Variants in SFSWAP observed in about 807,000 individuals in gnomAD.
SFSWAP encodes splicing factor, suppressor of white-apricot homolog.
In SFSWAP, 17 loss-of-function variants were observed where a neutral mutation model predicts 100.7. The ratio of observed to expected loss-of-function variants is 0.17; its 90% CI spans 0.12 to 0.25. The LOEUF is 0.25. Among genes scored for constraint, SFSWAP ranks in the 10% least tolerant of loss-of-function variants. The pLI is 1.00. For synonymous variants in SFSWAP, 504 were observed against 510.1 expected (o/e 0.99, Z 0.16); for missense variants, 1,005 against 1,262.6 (o/e 0.80, Z 3.09).
At chr12:131,732,984 A>G (rs1470152327) in intron 7 of SFSWAP, among the ~76,000 whole-genome samples, 3 of 152,212 alleles carry the variant, frequency 2.0e-5, no homozygotes, top group Non-Finnish European at 2.9e-5. Context: ...CAGCTTCCAC[A>G]GCAGCCAGTT....
At chr12:131,776,077 G>A (rs994019361) in intron 13 of SFSWAP, among the ~76,000 whole-genome samples, 4 of 151,998 alleles carry the variant, frequency 2.6e-5, no homozygotes, top group South Asian at 4.1e-4. Flanking sequence ...ACTCCACCCC[G>A]GCAACAGAGC....
In SFSWAP at chr12:131,730,724, G is replaced by A. The variant is rs941632218; in HGVS notation, c.1081+2296G>A. ...GTGACAGCCTCTGCAGGAACCCTAA[G>A]CTTACTCTGTTCAGGCCCCTGACTA... On this transcript the variant is annotated intron_variant, in intron 7 of 17. Coordinates refer to ENST00000261674, the MANE Select transcript of SFSWAP (RefSeq NM_004592.4). The surrounding 1 kb of genome is among the most constrained non-coding windows in gnomAD (Gnocchi z 4.0). 6.6e-6 allele frequency among the ~76,000 whole-genome samples: 1 copy of A among 152,098 alleles called. No individual in the cohort carries two copies. Among genetic ancestry groups the A allele is most frequent in the African/African-American group, 2.4e-5 (1 of 41,392 alleles).
chr12:131,738,885 CTTTTTTTTTTTT>C lies in SFSWAP; in HGVS notation c.1081+10470_1081+10481del, dbSNP rs71072785. Among the ~76,000 whole-genome samples the C allele has an allele frequency of 3.7e-3, 180 of 48,760 alleles. 5 individuals are homozygous for C. The highest frequency in any genetic ancestry group is 6.4e-3 in the Non-Finnish European group (156 of 24,298). The allele number at this position is 48,760 out of a possible 152,430, so 32.0% of individuals were successfully genotyped here. A position where few individuals can be genotyped will look rare whatever the true frequency, so the allele number is the denominator to read the frequency against. ...TTCCAGTGCTGTAATGAACATTATTCTTTTTTTTTTTTTTTTTTTTTTTTGAGACAGGGTCTC... is the reference window on the plus strand; with the variant it reads ...TTCCAGTGCTGTAATGAACATTATTCTTTTTTTTTTTTGAGACAGGGTCTC... On this transcript the variant is annotated intron_variant, in intron 7 of 17. Transcript: ENST00000261674.
rs1260648860 is a variant in SFSWAP at position 131,792,498 on chromosome 12, GT to G, written c.2535-4679del. On this transcript the variant is annotated intron_variant, in intron 15 of 17. Coordinates refer to ENST00000261674, the MANE Select transcript of SFSWAP (RefSeq NM_004592.4). ...TGCACCCGTGTGTGTTCACAGACCAGTACTGTGTGTGCATACGTGTGTGTTC... is the reference window on the plus strand; with the variant it reads ...TGCACCCGTGTGTGTTCACAGACCAGACTGTGTGTGCATACGTGTGTGTTC... Among the ~76,000 whole-genome samples the G allele has an allele frequency of 2.1e-5, 3 of 142,972 alleles. 1 individual carries two copies. The highest frequency in any genetic ancestry group is 1.4e-4 in the Admixed American group (2 of 14,438). The allele number at this position is 142,972 out of a possible 152,430, so 93.8% of individuals were successfully genotyped here. A position where few individuals can be genotyped will look rare whatever the true frequency, so the allele number is the denominator to read the frequency against.
chr12:131,727,941 T>C (rs778870907), intron 6 of SFSWAP, among the ~76,000 whole-genome samples: 2 of 152,228 alleles, frequency 1.3e-5, no homozygotes, highest in Non-Finnish European at 2.9e-5. Context: ...TTGATTGGAC[T>C]GGAAAAGCTA....
chr12:131,787,898 C>T (rs1885008379), intron 15 of SFSWAP, among the ~76,000 whole-genome samples: 1 of 152,210 alleles, frequency 6.6e-6, no homozygotes, highest in Admixed American at 6.5e-5. Flanking sequence ...AGCAAAGGAA[C>T]TATAAAGCGG....
intron 13 of SFSWAP, among the ~76,000 whole-genome samples, chr12:131,769,926 T>C (rs2136243818): frequency 6.6e-6 from 1 of 152,320 alleles, no homozygotes; most frequent in South Asian, 2.1e-4. Context: ...CTGTAGAACA[T>C]AGAAATGAGC....
rs770298063 is a variant in SFSWAP at position 131,754,385 on chromosome 12, C to T, written c.1340C>T (p.Ala447Val). The T allele has an allele frequency of 7.0e-6, 11 of 1,580,570 alleles. No individual in the cohort carries two copies. The highest frequency in any genetic ancestry group is 8.6e-6 in the Non-Finnish European group (10 of 1,166,316). Residue 447 changes from alanine (A) to valine (V), a missense_variant, in exon 9 of 18, where the codon GCC (alanine) becomes GTC (valine). Ala to Val is a moderately conservative substitution (Grantham distance 64). Transcript: ENST00000261674. Reference sequence around the variant, plus strand: ...TCCTGCAGTGCACTTGCCCCCGTGGCCGCCATCATCCCCCCGCCCCCCGAC... The same window carrying T: ...TCCTGCAGTGCACTTGCCCCCGTGGTCGCCATCATCCCCCCGCCCCCCGAC... The part of the protein sequence containing the change: ...TTTTSALAPV[A>V]AIIPPPPDVQ...
chr12:131,743,228 C>G (rs1379889933), intron 7 of SFSWAP, among the ~76,000 whole-genome samples: 2 of 152,190 alleles, frequency 1.3e-5, no homozygotes, highest in African/African-American at 4.8e-5. Flanking sequence ...CCCAGCAGTC[C>G]CCCAAAGTCT....
rs1454064215 is a variant in SFSWAP, at chr12:131,799,648, C to T, written c.*160C>T. The stretch of plus-strand genomic sequence containing the variant: ...TTTGAGTTTTAAGATTTCTGACCAG[C>T]AGTCTCTTACCTGTATATTTGTAAA... On this transcript the variant is annotated 3_prime_UTR_variant, in exon 18 of 18. Transcript: ENST00000261674. 1 of 612,634 alleles carries T rather than the reference C, an allele frequency of 1.6e-6. No individual in the cohort carries two copies. The highest frequency in any genetic ancestry group is 1.9e-5 in the African/African-American group (1 of 53,872). 37.9% of individuals were successfully genotyped at this position (612,634 alleles called of 1,614,324 possible).
intron 7 of SFSWAP, among the ~76,000 whole-genome samples, chr12:131,747,103 C>CAAAAAAAAAAAAA (rs398021689): frequency 3.1e-5 from 3 of 96,888 alleles, no homozygotes; most frequent in African/African-American, 1.2e-4. Context: ...GACTCTGTCT[C>CAAAAAAAAAAAAA]AAAAAAAAAA....
chr12:131,736,075 AG>A (rs1016223974), intron 7 of SFSWAP, among the ~76,000 whole-genome samples: 1 of 152,240 alleles, frequency 6.6e-6, no homozygotes, highest in African/African-American at 2.4e-5. Context: ...CAGTCCAGCC[AG>A]GGAGCTTCTG....
chr12:131,783,222 G>A (rs550699613), intron 14 of SFSWAP, among the ~76,000 whole-genome samples: 1 of 150,014 alleles, frequency 6.7e-6, no homozygotes, highest in Non-Finnish European at 1.5e-5. Context: ...TACTTTTATT[G>A]TCTGTTTTCA....
intron 15 of SFSWAP, chr12:131,796,356 C>G (rs962641668): frequency 6.6e-6 from 1 of 152,388 alleles, no homozygotes; most frequent in Non-Finnish European, 1.5e-5. Context: ...GCCGAAGGGT[C>G]GGCCTCTCCA....
In SFSWAP at chr12:131,779,223, C is replaced by T. The variant is rs553760516; in HGVS notation, c.2408+893C>T. ...CGCGGATGAGTGTGTGTGAAGAGGG[C>T]GGCGCGGGTGAGCGTGTGTGAAGAG... On this transcript the variant is annotated intron_variant, in intron 14 of 17. Coordinates refer to ENST00000261674, the MANE Select transcript of SFSWAP (RefSeq NM_004592.4). 1.1e-4 allele frequency among the ~76,000 whole-genome samples: 17 copies of T among 149,800 alleles called. No individual in the cohort carries two copies. In the South Asian group the frequency reaches 2.8e-3, roughly 24 times the overall value.
intron 15 of SFSWAP, among the ~76,000 whole-genome samples, chr12:131,793,238 T>G (rs1885403654): frequency 6.6e-6 from 1 of 151,966 alleles, no homozygotes; most frequent in Admixed American, 6.6e-5. Context: ...CACACCACCA[T>G]GCCCAGCTAA....
At chr12:131,765,200 A>G (rs1460384619) in intron 12 of SFSWAP, among the ~76,000 whole-genome samples, 1 of 152,260 alleles carries the variant, frequency 6.6e-6, no homozygotes, top group African/African-American at 2.4e-5. Flanking sequence ...TGGGGACAGC[A>G]TGTAGTCTTC....
At chr12:131,712,728 T>C (rs1877496771) in intron 1 of SFSWAP, 1 of 152,252 alleles carries the variant, frequency 6.6e-6, no homozygotes, top group Non-Finnish European at 1.5e-5. Context: ...CGTGCTGTGC[T>C]CAAGCGTGCT....
At chr12:131,796,977 T>A in intron 15 of SFSWAP, 1 of 524,220 alleles carries the variant, frequency 1.9e-6, no homozygotes, top group East Asian at 3.0e-5. Context: ...TTACTTGAGG[T>A]CCTAAATGGG....
Sources: gnomAD v4.1 joint callset for allele counts (sites outside exome capture counted in the v4.1 genomes callset) on GRCh38, gnomAD v4.1.1 for gene constraint, Gnocchi (gnomAD v3.1) non-coding constraint, MANE v1.5 for transcripts, NCBI Gene and HGNC (gene_info 2026-07-23, HGNC 2026-07-21) for gene names.